Variants in PKP4 observed in about 807,000 individuals in gnomAD.
PKP4 encodes the protein plakophilin 4.
Under a neutral mutation model 145.1 loss-of-function variants are expected in PKP4, and 90 were observed. The ratio of observed to expected loss-of-function variants is 0.62; its 90% confidence interval spans 0.52 to 0.74. PKP4 has a LOEUF of 0.74. Among genes scored for constraint, PKP4 ranks in the 30% least tolerant of loss-of-function variants. PKP4 has a pLI of 0.00. For missense variants in PKP4, 1,340 were observed against 1,482.7 expected (o/e 0.90, Z 1.58); for synonymous variants, 563 against 577.2 (o/e 0.98, Z 0.35).
intron 9 of PKP4, among the ~76,000 whole-genome samples, chr2:158,634,829 CA>C (rs147581986): frequency 0.19 from 29,556 of 152,068 alleles, 3,695 homozygotes; most frequent in Middle Eastern, 0.36. Flanking sequence ...ATCTAATAAG[CA>C]AAAAGTGTTT....
intron 8 of PKP4, 71 bp downstream of exon 8, chr2:158,632,012 G>T: frequency 7.2e-7 from 1 of 1,398,044 alleles, no homozygotes; most frequent in South Asian, 1.2e-5. Context: ...TATTGAGATT[G>T]GGTTCCCTGT....
At chr2:158,557,893 G>GCCA (rs2046223635) in intron 2 of PKP4, among the ~76,000 whole-genome samples, 1 of 152,160 alleles carries the variant, frequency 6.6e-6, no homozygotes, top group African/African-American at 2.4e-5. Context: ...CTGCATGTGT[G>GCCA]TACCTTGAGG....
chr2:158,523,085 G>A (rs1386861118), intron 1 of PKP4, among the ~76,000 whole-genome samples: 1 of 152,206 alleles, frequency 6.6e-6, no homozygotes, highest in East Asian at 1.9e-4. Context: ...GGCTTGCTTA[G>A]GTAAACAAAG....
chr2:158,676,689 T>C lies in PKP4; in HGVS notation c.3128-50T>C, dbSNP rs375862478. ...GAGGATTTTCCACAGATACTGATGC[T>C]GATTTCTCTTTCTACCCCTCTTTCT... On this transcript the variant is annotated intron_variant, in intron 19 of 21. Coordinates refer to ENST00000389759, the MANE Select transcript of PKP4 (RefSeq NM_003628.6). The C allele has an allele frequency of 4.3e-6, 7 of 1,610,126 alleles. No individual in the cohort carries two copies. In the African/African-American group the frequency reaches 8.0e-5, roughly 18 times the overall value.
At chr2:158,650,443 C>A (rs2055252325) in intron 11 of PKP4, among the ~76,000 whole-genome samples, 1 of 152,174 alleles carries the variant, frequency 6.6e-6, no homozygotes. Flanking sequence ...GTTGGTAGAT[C>A]TTTTCAAAGG....
intron 1 of PKP4, among the ~76,000 whole-genome samples, chr2:158,513,401 G>T (rs2041679293): frequency 6.6e-6 from 1 of 152,164 alleles, no homozygotes; most frequent in Non-Finnish European, 1.5e-5. Flanking sequence ...CATCTTCCTA[G>T]TGTCCTTAAG....
At chr2:158,604,362 T>TC (rs2050475208) in intron 4 of PKP4, among the ~76,000 whole-genome samples, 1 of 152,184 alleles carries the variant, frequency 6.6e-6, no homozygotes, top group African/African-American at 2.4e-5. Flanking sequence ...ATCTGTAAGT[T>TC]CCAGGGACTT....
intron 4 of PKP4, among the ~76,000 whole-genome samples, chr2:158,604,025 A>T (rs80177272): frequency 0.011 from 1,662 of 152,322 alleles, 33 homozygotes; most frequent in African/African-American, 0.037. Flanking sequence ...CAAACTGTTG[A>T]TGAGGCAGAA....
chr2:158,612,263 G>A (rs1558885041), intron 4 of PKP4, among the ~76,000 whole-genome samples: 1 of 152,252 alleles, frequency 6.6e-6, no homozygotes, highest in Middle Eastern at 3.4e-3. Context: ...TACACTCTAC[G>A]TTATTCTGTG....
At chr2:158,544,400 G>T (rs1025108088) in intron 2 of PKP4, among the ~76,000 whole-genome samples, 1 of 152,122 alleles carries the variant, frequency 6.6e-6, no homozygotes, top group Non-Finnish European at 1.5e-5. Flanking sequence ...TTCCTTTTGG[G>T]AAGTATTATA....
chr2:158,495,379 A>T (rs1247717100), intron 1 of PKP4, among the ~76,000 whole-genome samples: 2 of 151,894 alleles, frequency 1.3e-5, no homozygotes, highest in African/African-American at 4.8e-5. Flanking sequence ...CAAAGCCCAG[A>T]AAGTTCACTT....
chr2:158,521,750 C>T (rs1351444767), intron 1 of PKP4, among the ~76,000 whole-genome samples: 1 of 152,114 alleles, frequency 6.6e-6, no homozygotes, highest in African/African-American at 2.4e-5. Flanking sequence ...TTTCCTAGTA[C>T]TTCATTCTTC....
At chr2:158,671,719 GT>G (rs1444315149) in intron 17 of PKP4, among the ~76,000 whole-genome samples, 1 of 152,218 alleles carries the variant, frequency 6.6e-6, no homozygotes, top group Non-Finnish European at 1.5e-5. Flanking sequence ...GGTAGCTTAC[GT>G]TCCATGGGTG....
Position 158,457,055 on chromosome 2 carries a change from T to TGGTGGGAGAGCCGCTCCGGGGGC in PKP4, c.-166_-144dup, listed in dbSNP as rs1352131965. 2 of 10,676 alleles carry TGGTGGGAGAGCCGCTCCGGGGGC rather than the reference T, an allele frequency of 1.9e-4. No homozygotes were observed. The highest frequency in any genetic ancestry group is 1.1e-3 in the Admixed American group (1 of 886). The allele number at this position is 10,676 out of a possible 1,614,324, so 0.7% of individuals were successfully genotyped here. On this transcript the variant is annotated 5_prime_UTR_variant, in exon 1 of 22. Coordinates refer to ENST00000389759, the MANE Select transcript of PKP4 (RefSeq NM_003628.6). ...AGTTGGCCACCGCCGCCGCCGGGGGTGGTGGGAGAGCCGCTCCGGGGGCGG... is the reference window on the plus strand; with the variant it reads ...AGTTGGCCACCGCCGCCGCCGGGGGTGGTGGGAGAGCCGCTCCGGGGGCGGTGGGAGAGCCGCTCCGGGGGCGG...
At position 158,568,186 on chromosome 2, in the gene PKP4, T is replaced by C. The variant is rs531557637; in HGVS notation, c.133-9085T>C. On this transcript the variant is annotated intron_variant, in intron 2 of 21. Coordinates refer to ENST00000389759, the MANE Select transcript of PKP4 (RefSeq NM_003628.6). ...CCTTCTCTACTAAAAATACAAAAAA[T>C]ATATAGCTGGGTGTGGTGGCACACA... Among the ~76,000 whole-genome samples, 32 of 151,952 alleles carry C rather than the reference T, an allele frequency of 2.1e-4. 1 individual carries two copies. In the South Asian group the frequency reaches 6.7e-3, roughly 32 times the overall value.
intron 1 of PKP4, among the ~76,000 whole-genome samples, chr2:158,463,616 C>T (rs1300880109): frequency 6.6e-6 from 1 of 152,064 alleles, no homozygotes; most frequent in Non-Finnish European, 1.5e-5. Context: ...CTCTCGTGGG[C>T]TTTAGTTTTC....
rs193216165 is a variant in PKP4 at position 158,459,527 on chromosome 2, A to G, written c.-6+2309A>G. ...CAGAAACGTTTATGTTTTGGTTGCTACGTTGTTTTTCAGCTATGTGCATAA... is the reference window on the plus strand; with the variant it reads ...CAGAAACGTTTATGTTTTGGTTGCTGCGTTGTTTTTCAGCTATGTGCATAA... On this transcript the variant is annotated intron_variant, in intron 1 of 21. Coordinates refer to ENST00000389759, the MANE Select transcript of PKP4 (RefSeq NM_003628.6). 7.9e-5 allele frequency among the ~76,000 whole-genome samples: 12 copies of G among 152,288 alleles called. No homozygotes were observed. The East Asian group carries it at 2.1e-3, about 27-fold the overall frequency.
chr2:158,680,627 C>A lies in PKP4; in HGVS notation c.3529C>A (p.Pro1177Thr). 1.9e-6 allele frequency: 3 copies of A among 1,613,934 alleles called. No homozygotes were observed. The highest frequency in any genetic ancestry group is 1.6e-4 in the Middle Eastern group (1 of 6,062). ...NYVDFYSTKRPSYRAEQYPGS... is the reference protein window; with the variant it reads ...NYVDFYSTKRTSYRAEQYPGS... Reference sequence around the variant, plus strand: ...TGTAGACTTTTATTCCACTAAACGACCTTCTTATAGAGCAGAACAGTACCC... The same window carrying A: ...TGTAGACTTTTATTCCACTAAACGAACTTCTTATAGAGCAGAACAGTACCC... The change falls in exon 22 of 22, where the codon CCT becomes ACT. Residue 1177 changes from proline (P) to threonine (T), a missense_variant. Coordinates refer to ENST00000389759, the MANE Select transcript of PKP4 (RefSeq NM_003628.6).
chr2:158,673,855 G>A, intron 18 of PKP4, 28 bp from the exon 19 acceptor site: 1 of 1,515,780 alleles, frequency 6.6e-7, no homozygotes, highest in Non-Finnish European at 9.2e-7. Context: ...TTCATTTTGA[G>A]AGGTTTCTTT....
Sources: gnomAD v4.1 joint callset for allele counts (sites outside exome capture counted in the v4.1 genomes callset) on GRCh38, gnomAD v4.1.1 for gene constraint, MANE v1.5 for transcripts, NCBI Gene and HGNC (gene_info 2026-07-23, HGNC 2026-07-21) for gene names.